Variants in ARMH1 observed in about 807,000 individuals in gnomAD.
The protein encoded by ARMH1 is armadillo like helical domain containing 1, also known as armadillo-like helical domain containing protein 1.
Under a neutral mutation model 50.2 loss-of-function variants are expected in ARMH1, and 34 were observed. That is an observed-to-expected ratio of 0.68 (90% CI 0.51 to 0.90). ARMH1 has a LOEUF of 0.90. Among genes scored for constraint, ARMH1 ranks in the 40% least tolerant of loss-of-function variants. ARMH1 has a pLI of 0.00. For missense variants in ARMH1, 538 were observed against 553.9 expected, an observed-to-expected ratio of 0.97 and a Z score of 0.29; for synonymous variants, 221 against 224.2, an observed-to-expected ratio of 0.99 and a Z score of 0.13.
At chr1:44,706,963 G>A (rs1376409263) in intron 6 of ARMH1, among the ~76,000 whole-genome samples, 1 of 151,984 alleles carries the variant, frequency 6.6e-6, no homozygotes, top group Non-Finnish European at 1.5e-5. Context: ...TGGCAAACTT[G>A]CCCACTCCTC....
At position 44,700,998 on chromosome 1, in the gene ARMH1, A is replaced by C. The variant is rs1393971032; in HGVS notation, c.518A>C (p.Asp173Ala). Residue 173 changes from aspartate (D) to alanine (A), a missense_variant, in exon 5 of 12, where the codon GAT becomes GCT. Asp to Ala is a moderately radical substitution (Grantham distance 126). Coordinates refer to ENST00000535358, the MANE Select transcript of ARMH1 (RefSeq NM_001145636.2). ...CAGGAGGAAGTGCAGGTTCTGTTGGATTCTTTGGTCCACGGCAATCCCAAG... is the reference window on the plus strand; with the variant it reads ...CAGGAGGAAGTGCAGGTTCTGTTGGCTTCTTTGGTCCACGGCAATCCCAAG... ...ETQEEVQVLL[D>A]SLVHGNPKYQ... 6.4e-7 allele frequency: 1 copy of C among 1,551,564 alleles called. No homozygotes were observed. The highest frequency in any genetic ancestry group is 8.7e-7 in the Non-Finnish European group (1 of 1,147,018).
rs957878489 is a variant in ARMH1 at position 44,723,925 on chromosome 1, C to G, written c.725-197C>G. 48 of 637,760 alleles carry G rather than the reference C, an allele frequency of 7.5e-5. No homozygotes were observed. The African/African-American group carries it at 8.1e-4, about 11-fold the overall frequency. The allele number at this position is 637,760 out of a possible 1,614,324, so 39.5% of individuals were successfully genotyped here. On this transcript the variant is annotated intron_variant, in intron 6 of 11. Coordinates refer to ENST00000535358, the MANE Select transcript of ARMH1 (RefSeq NM_001145636.2). ...TCGACAGGTGGGCTCACCATCCAAC[C>G]CTTCCTCCTCCCCCTTCAGCCCCCT...
At chr1:44,705,358 T>A (rs1646296068) in intron 6 of ARMH1, among the ~76,000 whole-genome samples, 1 of 151,998 alleles carries the variant, frequency 6.6e-6, no homozygotes, top group Non-Finnish European at 1.5e-5. Flanking sequence ...CCAGGGGTAG[T>A]GGCATGTGCC....
chr1:44,694,352 C>T (rs1351444131), intron 2 of ARMH1, among the ~76,000 whole-genome samples: 1 of 152,154 alleles, frequency 6.6e-6, no homozygotes, highest in Non-Finnish European at 1.5e-5. Flanking sequence ...AATAGCATCA[C>T]AGCATCATTA....
At chr1:44,696,215 T>A (rs1253940764) in intron 2 of ARMH1, among the ~76,000 whole-genome samples, 1 of 152,190 alleles carries the variant, frequency 6.6e-6, no homozygotes, top group Non-Finnish European at 1.5e-5. Context: ...AATGAGCCAA[T>A]CTGTCTCTAC....
At chr1:44,714,459 C>T (rs537869381) in intron 6 of ARMH1, among the ~76,000 whole-genome samples, 7 of 152,046 alleles carry the variant, frequency 4.6e-5, no homozygotes, top group Non-Finnish European at 1.0e-4. Context: ...GTGGTGCATG[C>T]CTGTAATCCC....
At chr1:44,719,304 T>G (rs879315841) in intron 6 of ARMH1, among the ~76,000 whole-genome samples, 6 of 152,182 alleles carry the variant, frequency 3.9e-5, no homozygotes, top group African/African-American at 9.6e-5. Context: ...CTGAGGATGA[T>G]GGGCAAGAGG....
chr1:44,710,969 T>A (rs78048903), intron 6 of ARMH1, among the ~76,000 whole-genome samples: 1 of 152,236 alleles, frequency 6.6e-6, no homozygotes, highest in Non-Finnish European at 1.5e-5. Flanking sequence ...ATGTCTGGCT[T>A]CTTCCACTTA....
intron 2 of ARMH1, among the ~76,000 whole-genome samples, chr1:44,696,619 C>T (rs1645836877): frequency 6.6e-6 from 1 of 152,150 alleles, no homozygotes; most frequent in Non-Finnish European, 1.5e-5. Context: ...TATTAGGAAG[C>T]CAATTCTTCA....
intron 6 of ARMH1, among the ~76,000 whole-genome samples, chr1:44,722,123 T>A (rs1449543734): frequency 6.6e-6 from 1 of 152,212 alleles, no homozygotes; most frequent in African/African-American, 2.4e-5. Flanking sequence ...CATTCTGGGA[T>A]GCAAATGAGC....
At position 44,683,037 on chromosome 1, in the gene ARMH1, G is replaced by A. The variant is rs183092241; in HGVS notation, c.-22-6639G>A. 8.5e-5 allele frequency among the ~76,000 whole-genome samples: 13 copies of A among 152,344 alleles called. No individual in the cohort carries two copies. The highest frequency in any genetic ancestry group is 1.4e-4 in the African/African-American group (6 of 41,582). ...GAGGCTGTTGCAGTAATCCATATGCGGAACAAGGGTGTGAAACTGAAATAG... is the reference window on the plus strand; with the variant it reads ...GAGGCTGTTGCAGTAATCCATATGCAGAACAAGGGTGTGAAACTGAAATAG... On this transcript the variant is annotated intron_variant, in intron 1 of 11. Transcript: ENST00000535358. The surrounding 1 kb of genome is among the most constrained non-coding windows in gnomAD (Gnocchi z 4.2).
chr1:44,722,642 G>A (rs929401196), intron 6 of ARMH1, among the ~76,000 whole-genome samples: 1 of 152,038 alleles, frequency 6.6e-6, no homozygotes, highest in African/African-American at 2.4e-5. Context: ...TTCCCAGGAG[G>A]CTGAGGCAGG....
In ARMH1 at chr1:44,724,019, AGAG is replaced by A; in HGVS notation, c.725-97_725-95del. On this transcript the variant is annotated intron_variant, in intron 6 of 11. Coordinates refer to ENST00000535358, the MANE Select transcript of ARMH1 (RefSeq NM_001145636.2). The surrounding 1 kb of genome is among the most constrained non-coding windows in gnomAD (Gnocchi z 6.4). ...GCCCTGCACAGTGCTGATCAGTAAA[AGAG>A]GAGGACACTGACGAGTGGCGACTTG... 1.4e-6 allele frequency: 2 copies of A among 1,422,832 alleles called. No homozygotes were observed. The highest frequency in any genetic ancestry group is 1.9e-6 in the Non-Finnish European group (2 of 1,059,972). The allele number at this position is 1,422,832 out of a possible 1,614,324, so 88.1% of individuals were successfully genotyped here. A position where few individuals can be genotyped will look rare whatever the true frequency, so the allele number is the denominator to read the frequency against.
In ARMH1 at chr1:44,724,166, G is replaced by T. The variant is rs565190051; in HGVS notation, c.769G>T (p.Ala257Ser). 2.4e-4 allele frequency: 376 copies of T among 1,551,670 alleles called. 2 individuals carry two copies. The African/African-American group carries it at 4.7e-3, about 20-fold the overall frequency. Residue 257 changes from alanine to serine, a missense_variant, in exon 7 of 12, where the codon GCG becomes TCG. Physicochemically the swap from Ala to Ser is moderately conservative, Grantham distance 99 (BLOSUM62 1). Coordinates refer to ENST00000535358, the MANE Select transcript of ARMH1 (RefSeq NM_001145636.2). This position sits in a 1 kb window ranked among gnomAD's most constrained non-coding sequence, Gnocchi z 6.4. ...KDLVGYDVRQALLKGLVALLI... is the reference protein window; with the variant it reads ...KDLVGYDVRQSLLKGLVALLI... ...CCTGGTCGGTTACGATGTGCGCCAG[G>T]CGCTGCTCAAGGGCCTCGTGGCGCT...
chr1:44,689,526 A>G, intron 1 of ARMH1, 150 bp from the exon 2 acceptor site: 2 of 622,218 alleles, frequency 3.2e-6, no homozygotes, highest in Non-Finnish European at 5.7e-6. Flanking sequence ...TTCAAGCAGC[A>G]GGTGACCAGT....
Position 44,689,921 on chromosome 1 carries a change from G to T in ARMH1, c.206+18G>T. On this transcript the variant is annotated intron_variant, in intron 2 of 11. Coordinates refer to ENST00000535358, the MANE Select transcript of ARMH1 (RefSeq NM_001145636.2). ...AGAATCACGTATCCTTTACTGAACA[G>T]AAAAAAAAAAATTAGGCACCGGGCA... 8.3e-7 allele frequency: 1 copy of T among 1,211,222 alleles called. No individual in the cohort carries two copies. Among genetic ancestry groups the T allele is most frequent in the South Asian group, 1.6e-5 (1 of 62,434 alleles). 75.0% of individuals were successfully genotyped at this position (1,211,222 alleles called of 1,614,324 possible).
At chr1:44,676,797 T>C (rs1230347352) in intron 1 of ARMH1, among the ~76,000 whole-genome samples, 1 of 152,132 alleles carries the variant, frequency 6.6e-6, no homozygotes, top group Non-Finnish European at 1.5e-5. Flanking sequence ...CTTGGCTATT[T>C]AGGAGAAGAA....
chr1:44,682,692 G>A lies in ARMH1; in HGVS notation c.-22-6984G>A, dbSNP rs527475766. ...TGTAATCCCAGTACTTTGGGAGGCCGAGGCAGGAGGATTGCTTGAGCCCAG... is the reference window on the plus strand; with the variant it reads ...TGTAATCCCAGTACTTTGGGAGGCCAAGGCAGGAGGATTGCTTGAGCCCAG... On this transcript the variant is annotated intron_variant, in intron 1 of 11. Coordinates refer to ENST00000535358, the MANE Select transcript of ARMH1 (RefSeq NM_001145636.2). This position sits in a 1 kb window ranked among gnomAD's most constrained non-coding sequence, Gnocchi z 4.5. 7.4e-4 allele frequency among the ~76,000 whole-genome samples: 113 copies of A among 152,272 alleles called. No homozygotes were observed. The highest frequency in any genetic ancestry group is 2.7e-3 in the African/African-American group (111 of 41,558).
At chr1:44,717,716 G>C (rs1646912457) in intron 6 of ARMH1, among the ~76,000 whole-genome samples, 1 of 152,236 alleles carries the variant, frequency 6.6e-6, no homozygotes, top group African/African-American at 2.4e-5. Flanking sequence ...ATAAATGAAT[G>C]AATCAATGAA....
Sources: gnomAD v4.1 joint callset for allele counts (sites outside exome capture counted in the v4.1 genomes callset) on GRCh38, gnomAD v4.1.1 for gene constraint, Gnocchi (gnomAD v3.1) non-coding constraint, MANE v1.5 for transcripts, NCBI Gene and HGNC (gene_info 2026-07-23, HGNC 2026-07-21) for gene names.